The following CCSER1 variants were observed in gnomAD, a reference collection of about 807,000 sequenced individuals.
The protein encoded by CCSER1 is serine-rich coiled-coil domain-containing protein 1.
Under a neutral mutation model 82.0 loss-of-function variants are expected in CCSER1, and 41 were observed. That is an observed-to-expected ratio of 0.50 (90% CI 0.39 to 0.65). The LOEUF (loss-of-function observed/expected upper bound fraction) is 0.65, where lower values mean the gene tolerates loss of function less well. Among genes scored for constraint, CCSER1 ranks in the 30% least tolerant of loss-of-function variants. CCSER1 has a pLI of 0.00. For missense variants in CCSER1, 1,119 were observed against 1,064.2 expected, an observed-to-expected ratio of 1.05 and a Z score of -0.72; for synonymous variants, 414 against 383.9, an observed-to-expected ratio of 1.08 and a Z score of -0.92.
intron 9 of CCSER1, among the ~76,000 whole-genome samples, chr4:90,986,519 G>A (rs1736591801): frequency 6.6e-6 from 1 of 151,744 alleles, no homozygotes; most frequent in South Asian, 2.1e-4. Flanking sequence ...GCCTGGATCA[G>A]TTAGAGAGAT....
chr4:90,316,646 G>GCC (rs1012318964), intron 3 of CCSER1, among the ~76,000 whole-genome samples: 2 of 152,142 alleles, frequency 1.3e-5, no homozygotes, highest in African/African-American at 4.8e-5. Flanking sequence ...CATTAATGCA[G>GCC]CCCTTCATGT....
rs571044468 is a variant in CCSER1 at position 90,950,121 on chromosome 4, C to G, written c.2172+26674C>G. Reference sequence around the variant, plus strand: ...GAGGATGGAGATGTGCAAGAAGAACCACAGTTAGCTAACCTGGACTACCTG... The same window carrying G: ...GAGGATGGAGATGTGCAAGAAGAACGACAGTTAGCTAACCTGGACTACCTG... On this transcript the variant is annotated intron_variant, in intron 9 of 10. Transcript: ENST00000509176. 1.3e-4 allele frequency among the ~76,000 whole-genome samples: 20 copies of G among 152,192 alleles called. No homozygotes were observed. The South Asian group carries it at 3.7e-3, about 28-fold the overall frequency.
At chr4:90,518,493 A>T (rs138682294) in intron 5 of CCSER1, among the ~76,000 whole-genome samples, 1 of 152,100 alleles carries the variant, frequency 6.6e-6, no homozygotes, top group Non-Finnish European at 1.5e-5. Flanking sequence ...CATTAACTAC[A>T]TGATAACTGT....
intron 2 of CCSER1, among the ~76,000 whole-genome samples, chr4:90,311,752 A>T (rs1348602753): frequency 1.3e-5 from 2 of 152,206 alleles, no homozygotes; most frequent in East Asian, 1.9e-4. Flanking sequence ...AAAGTTATTT[A>T]AAAAGAACTG....
At chr4:90,919,373 G>A (rs1461708838) in intron 8 of CCSER1, among the ~76,000 whole-genome samples, 2 of 151,814 alleles carry the variant, frequency 1.3e-5, no homozygotes, top group African/African-American at 2.4e-5. Flanking sequence ...TATCTTGTGT[G>A]ATATTTACCA....
intron 6 of CCSER1, among the ~76,000 whole-genome samples, chr4:90,630,273 C>G (rs73833739): frequency 0.013 from 1,962 of 152,292 alleles, 49 homozygotes; most frequent in African/African-American, 0.045. Context: ...TTAGAAGATA[C>G]TAGTCTCAAC....
intron 1 of CCSER1, among the ~76,000 whole-genome samples, chr4:90,266,013 A>T (rs1345522563): frequency 1.3e-5 from 2 of 152,052 alleles, no homozygotes; most frequent in African/African-American, 4.8e-5. Context: ...AACTGGGAAA[A>T]CCCTTAGTTA....
At chr4:91,560,353 G>T (rs1401406587) in intron 10 of CCSER1, among the ~76,000 whole-genome samples, 1 of 151,410 alleles carries the variant, frequency 6.6e-6, no homozygotes, top group Non-Finnish European at 1.5e-5. Context: ...TTTGAAGCTT[G>T]ATTATTTGGC....
At chr4:90,788,443 A>G (rs1754810420) in intron 7 of CCSER1, among the ~76,000 whole-genome samples, 5 of 152,178 alleles carry the variant, frequency 3.3e-5, no homozygotes, top group Admixed American at 3.3e-4. Context: ...AGGACCAAGC[A>G]TCCTTTAAAG....
intron 5 of CCSER1, among the ~76,000 whole-genome samples, chr4:90,483,022 T>C (rs1766323653): frequency 6.6e-6 from 1 of 152,212 alleles, no homozygotes; most frequent in South Asian, 2.1e-4. Flanking sequence ...ACTTTGTAGG[T>C]CACTAAGTAC....
At chr4:90,292,927 A>G (rs918200758) in intron 1 of CCSER1, among the ~76,000 whole-genome samples, 2 of 151,914 alleles carry the variant, frequency 1.3e-5, no homozygotes, top group African/African-American at 4.8e-5. Context: ...CTATCCTAAC[A>G]TGTATTCCGA....
Position 91,268,929 on chromosome 4 carries a change from C to G in CCSER1, c.2217+182935C>G, listed in dbSNP as rs13141791. 9.2e-5 allele frequency among the ~76,000 whole-genome samples: 14 copies of G among 152,140 alleles called. 1 individual carries two copies. Among genetic ancestry groups the G allele is most frequent in the African/African-American group, 2.7e-4 (11 of 41,390 alleles). On this transcript the variant is annotated intron_variant, in intron 10 of 10. Coordinates refer to ENST00000509176, the MANE Select transcript of CCSER1 (RefSeq NM_001145065.2). Reference sequence around the variant, plus strand: ...TTGCTTCAGGCCATCTGGACGTATACGTGCAGGCTTGGGCTCAGAGGCCTG... The same window carrying G: ...TTGCTTCAGGCCATCTGGACGTATAGGTGCAGGCTTGGGCTCAGAGGCCTG...
chr4:90,469,497 A>G (rs1764064166), intron 5 of CCSER1, among the ~76,000 whole-genome samples: 1 of 150,028 alleles, frequency 6.7e-6, no homozygotes, highest in South Asian at 2.1e-4. Flanking sequence ...GAATTATATT[A>G]GAAAGCTCAA....
intron 3 of CCSER1, among the ~76,000 whole-genome samples, chr4:90,346,381 A>G (rs1248033999): frequency 2.6e-5 from 4 of 151,770 alleles, no homozygotes; most frequent in Admixed American, 2.6e-4. Flanking sequence ...AAATTATGGT[A>G]ATTTATATTT....
intron 10 of CCSER1, among the ~76,000 whole-genome samples, chr4:91,414,605 A>G (rs1187063868): frequency 3.3e-5 from 5 of 152,140 alleles, no homozygotes; most frequent in Non-Finnish European, 7.4e-5. Context: ...AAATTCTCCA[A>G]TCAAAAGATG....
intron 4 of CCSER1, among the ~76,000 whole-genome samples, chr4:90,449,468 C>T (rs1448980399): frequency 6.6e-6 from 1 of 152,194 alleles, no homozygotes; most frequent in Non-Finnish European, 1.5e-5. Flanking sequence ...TGCCCAGGAG[C>T]CTGTCTTCCT....
At chr4:91,221,574 A>C (rs201104058) in intron 10 of CCSER1, among the ~76,000 whole-genome samples, 1 of 17,476 alleles carries the variant, frequency 5.7e-5, no homozygotes, top group African/African-American at 7.0e-4. Context: ...ATTGGAAAAT[A>C]AAAAATATGC....
Position 90,969,988 on chromosome 4 carries a change from G to A in CCSER1, c.2172+46541G>A, listed in dbSNP as rs533559030. 1.2e-4 allele frequency among the ~76,000 whole-genome samples: 17 copies of A among 142,882 alleles called. 1 individual carries two copies. The highest frequency in any genetic ancestry group is 4.3e-4 in the East Asian group (2 of 4,642). The allele number at this position is 142,882 out of a possible 152,430, so 93.7% of individuals were successfully genotyped here. Reference sequence around the variant, plus strand: ...GATAAAGAAATCAAATTATACCACCGCAAAAAAAAAATCATAAAATTACAA... The same window carrying A: ...GATAAAGAAATCAAATTATACCACCACAAAAAAAAAATCATAAAATTACAA... On this transcript the variant is annotated intron_variant, in intron 9 of 10. Transcript: ENST00000509176.
intron 10 of CCSER1, among the ~76,000 whole-genome samples, chr4:91,595,763 A>G (rs1204752168): frequency 1.3e-5 from 2 of 151,972 alleles, no homozygotes; most frequent in Non-Finnish European, 2.9e-5. Context: ...TCTTATATGA[A>G]CAGCCCTATT....
Sources: allele counts gnomAD v4.1 joint callset (sites outside exome capture counted in the v4.1 genomes callset), GRCh38; gene constraint gnomAD v4.1.1; transcripts MANE v1.5; gene names NCBI Gene and HGNC (gene_info 2026-07-23, HGNC 2026-07-21).